PAG1: variants seen among roughly 807,000 people sequenced by gnomAD.
PAG1 encodes phosphoprotein associated with glycosphingolipid-enriched microdomains 1.
A neutral mutation model predicts 31.7 loss-of-function variants in PAG1; 23 were observed. The ratio of observed to expected loss-of-function variants is 0.73; its 90% CI spans 0.52 to 1.03. The LOEUF (loss-of-function observed/expected upper bound fraction) is 1.03. Ranked by LOEUF, PAG1 falls within the 50% of genes least tolerant of loss-of-function variation. The pLI, the probability that PAG1 is intolerant of heterozygous loss-of-function variation, is 0.00. For missense variants in PAG1, 473 were observed against 540.7 expected, an observed-to-expected ratio of 0.87 and a Z score of 1.24; for synonymous variants, 214 against 210.3, an observed-to-expected ratio of 1.02 and a Z score of -0.15.
At position 80,984,885 on chromosome 8, in the gene PAG1, G is replaced by T; in HGVS notation, c.767C>A (p.Ala256Asp). ...LGNSCDPEEE[A>D]PPPVPVKLLD... ...AAGCTTAACAGGGACAGGTGGTGGG[G>T]CCTCCTCTTCTGGATCACATGAATT... is the stretch of plus-strand genomic sequence containing the variant. Residue 256 changes from alanine (A) to aspartate (D), a missense_variant, in exon 7 of 9, where the codon GCC becomes GAC. Physicochemically the swap from Ala to Asp is moderately radical, Grantham distance 126. Transcript: ENST00000220597. 1 of 1,614,030 alleles carries T rather than the reference G, an allele frequency of 6.2e-7. No homozygotes were observed. The highest frequency in any genetic ancestry group is 1.1e-5 in the South Asian group (1 of 91,054).
At chr8:81,084,243 T>A (rs1343096375) in intron 1 of PAG1, among the ~76,000 whole-genome samples, 2 of 152,202 alleles carry the variant, frequency 1.3e-5, no homozygotes. Context: ...CAGGGAAAAG[T>A]ATGTCTACTC....
chr8:80,997,867 T>G (rs76498528), intron 3 of PAG1, among the ~76,000 whole-genome samples: 1,558 of 152,210 alleles, frequency 0.01, 30 homozygotes, highest in African/African-American at 0.035. Context: ...TGTAAAAGAC[T>G]CAGTGGTACT....
intron 2 of PAG1, among the ~76,000 whole-genome samples, chr8:81,044,506 G>C (rs1049609945): frequency 1.3e-5 from 2 of 152,190 alleles, no homozygotes; most frequent in Admixed American, 6.5e-5. Context: ...TCCCCTGCAG[G>C]CTTCAGAGGG....
rs3739342 is a variant in PAG1, at chr8:80,970,615, A to G, written c.*5929T>C. On this transcript the variant is annotated 3_prime_UTR_variant, in exon 9 of 9. Coordinates refer to ENST00000220597, the MANE Select transcript of PAG1 (RefSeq NM_018440.4). Reference sequence around the variant, plus strand: ...TAAGCTTACTTGGTTAGAGCACGGCACTAACATTTCTGCCTCTGTGAGTTT... The same window carrying G: ...TAAGCTTACTTGGTTAGAGCACGGCGCTAACATTTCTGCCTCTGTGAGTTT... 28,203 of 152,622 alleles carry G rather than the reference A, an allele frequency of 0.18. 3,810 individuals carry two copies. The highest frequency in any genetic ancestry group is 0.38 in the African/African-American group (15,613 of 41,484). The allele number at this position is 152,622 out of a possible 1,614,324, so 9.5% of individuals were successfully genotyped here. A position where few individuals can be genotyped will look rare whatever the true frequency, so the allele number is the denominator to read the frequency against.
chr8:81,070,599 G>A (rs915646779), intron 1 of PAG1, among the ~76,000 whole-genome samples: 2 of 151,406 alleles, frequency 1.3e-5, no homozygotes, highest in African/African-American at 2.4e-5. Flanking sequence ...CAATGCACAT[G>A]GATTAAGCAA....
chr8:81,030,935 A>T (rs1446097774), intron 2 of PAG1, among the ~76,000 whole-genome samples: 1 of 152,236 alleles, frequency 6.6e-6, no homozygotes, highest in African/African-American at 2.4e-5. Context: ...GGCTGTGTTT[A>T]TGCTCTAAGG....
intron 7 of PAG1, among the ~76,000 whole-genome samples, chr8:80,983,615 A>G (rs147656418): frequency 4.8e-4 from 73 of 152,350 alleles, no homozygotes; most frequent in African/African-American, 1.7e-3. Context: ...GTGGAAGGAT[A>G]ATTTTATTTC....
chr8:81,026,875 A>G (rs1808290415), intron 3 of PAG1, among the ~76,000 whole-genome samples: 1 of 152,246 alleles, frequency 6.6e-6, no homozygotes, highest in Admixed American at 6.5e-5. Context: ...GTGAAAAACA[A>G]TAAAATAAAA....
chr8:81,056,899 A>C (rs928346428), intron 2 of PAG1, among the ~76,000 whole-genome samples: 12 of 152,346 alleles, frequency 7.9e-5, no homozygotes, highest in African/African-American at 2.9e-4. Flanking sequence ...CCCATCAAAA[A>C]GTGGGCAAAG....
At chr8:81,014,288 A>G (rs540915413) in intron 3 of PAG1, among the ~76,000 whole-genome samples, 25 of 152,374 alleles carry the variant, frequency 1.6e-4, no homozygotes, top group African/African-American at 4.6e-4. Context: ...AAAGATAGAC[A>G]TATCAGGTCT....
intron 2 of PAG1, among the ~76,000 whole-genome samples, chr8:81,041,447 G>T (rs1044672379): frequency 1.3e-5 from 2 of 152,194 alleles, no homozygotes; most frequent in Non-Finnish European, 2.9e-5. Context: ...ATGGTCCCAG[G>T]AGGAACCAAC....
At chr8:81,021,581 A>C (rs1808172598) in intron 3 of PAG1, among the ~76,000 whole-genome samples, 1 of 150,172 alleles carries the variant, frequency 6.7e-6, no homozygotes, top group Non-Finnish European at 1.5e-5. Context: ...AGAGAGAAAG[A>C]GGGAGAATAC....
chr8:80,985,180 C>T lies in PAG1; in HGVS notation c.472G>A (p.Gly158Arg), dbSNP rs763535041. ...ARSVDGDQGLGMEGPYEVLKD... is the reference protein window; with the variant it reads ...ARSVDGDQGLRMEGPYEVLKD... ...AGCACTTCATAGGGCCCTTCCATCC[C>T]CAGCCCCTGGTCCCCGTCCACACTT... is the stretch of plus-strand genomic sequence containing the variant. The change falls in exon 7 of 9, where the codon GGG (glycine) becomes AGG (arginine). Residue 158 changes from glycine (G) to arginine (R), a missense_variant. Coordinates refer to ENST00000220597, the MANE Select transcript of PAG1 (RefSeq NM_018440.4). 1.2e-6 allele frequency: 2 copies of T among 1,614,104 alleles called. No individual in the cohort carries two copies. Among genetic ancestry groups the T allele is most frequent in the Admixed American group, 3.3e-5 (2 of 60,010 alleles).
At chr8:81,066,016 C>G (rs1310189117) in intron 2 of PAG1, among the ~76,000 whole-genome samples, 1 of 151,432 alleles carries the variant, frequency 6.6e-6, no homozygotes, top group Non-Finnish European at 1.5e-5. Flanking sequence ...AGTGAACATT[C>G]TCATGTTAAC....
At chr8:81,005,021 G>A (rs1208207777) in intron 3 of PAG1, among the ~76,000 whole-genome samples, 2 of 152,198 alleles carry the variant, frequency 1.3e-5, no homozygotes, top group Admixed American at 6.5e-5. Flanking sequence ...TAAAGTGAAA[G>A]CTTAAAACAG....
At chr8:81,045,383 A>C (rs1272724792) in intron 2 of PAG1, among the ~76,000 whole-genome samples, 2 of 152,240 alleles carry the variant, frequency 1.3e-5, no homozygotes, top group East Asian at 3.8e-4. Flanking sequence ...AAACTCTAAC[A>C]GCTCCAACCA....
rs372160958 is a variant in PAG1 at position 81,068,353 on chromosome 8, A to G, written c.-175+1759T>C. Among the ~76,000 whole-genome samples, 119 of 152,324 alleles carry G rather than the reference A, an allele frequency of 7.8e-4. 1 individual carries two copies. Among genetic ancestry groups the G allele is most frequent in the African/African-American group, 2.7e-3 (114 of 41,572 alleles). On this transcript the variant is annotated intron_variant, in intron 2 of 8. Coordinates refer to ENST00000220597, the MANE Select transcript of PAG1 (RefSeq NM_018440.4). ...TCATAAAGTCGCTACTATTACCACT[A>G]AAGTTGGTGCAGATACTGTCTGAAT...
chr8:81,110,242 T>C (rs1399713265), intron 1 of PAG1, among the ~76,000 whole-genome samples: 1 of 152,216 alleles, frequency 6.6e-6, no homozygotes, highest in Non-Finnish European at 1.5e-5. Context: ...TATGTATGTG[T>C]ATATATATTT....
chr8:80,991,074 C>T (rs1031798928), intron 5 of PAG1, among the ~76,000 whole-genome samples: 1 of 152,146 alleles, frequency 6.6e-6, no homozygotes, highest in African/African-American at 2.4e-5. Context: ...CCAAGTCACA[C>T]CCAAAGTTTG....
Sources: gnomAD v4.1 joint callset for allele counts (sites outside exome capture counted in the v4.1 genomes callset) on GRCh38, gnomAD v4.1.1 for gene constraint, MANE v1.5 for transcripts, NCBI Gene and HGNC (gene_info 2026-07-23, HGNC 2026-07-21) for gene names.